GPC6: variants seen among roughly 807,000 people sequenced by gnomAD.
GPC6 encodes the protein glypican-6.
GPC6 carries 14 observed loss-of-function variants against 55.2 expected under a neutral mutation model. That is an observed-to-expected ratio of 0.25 (90% CI 0.17 to 0.40). The LOEUF (loss-of-function observed/expected upper bound fraction) is 0.40. Ranked by LOEUF, GPC6 falls within the 10% of genes least tolerant of loss-of-function variation. The pLI, the probability that GPC6 is intolerant of heterozygous loss-of-function variation, is 1.00. For missense variants in GPC6, 641 were observed against 708.5 expected (o/e 0.90, Z 1.08); for synonymous variants, 278 against 259.6 (o/e 1.07, Z -0.68).
At chr13:93,662,846 T>A (rs1474594742) in intron 2 of GPC6, among the ~76,000 whole-genome samples, 1 of 151,716 alleles carries the variant, frequency 6.6e-6, no homozygotes, top group African/African-American at 2.4e-5. Context: ...AGAAAAAAAA[T>A]TGAAATTTAA....
At chr13:93,855,401 G>A (rs577269601) in intron 3 of GPC6, among the ~76,000 whole-genome samples, 1 of 151,590 alleles carries the variant, frequency 6.6e-6, no homozygotes, top group Non-Finnish European at 1.5e-5. Context: ...TTATCTGGGT[G>A]TAACACAATT....
intron 1 of GPC6, among the ~76,000 whole-genome samples, chr13:93,324,186 C>G (rs1594096817): frequency 6.6e-6 from 1 of 152,074 alleles, no homozygotes; most frequent in East Asian, 1.9e-4. Context: ...GTGAAATAAG[C>G]CAGGCACAGA....
chr13:94,325,305 C>T (rs144313994), intron 6 of GPC6, among the ~76,000 whole-genome samples: 36 of 152,290 alleles, frequency 2.4e-4, no homozygotes, highest in Non-Finnish European at 3.7e-4. Flanking sequence ...CATTTGTGCT[C>T]ACTCCAAGGG....
chr13:93,592,115 A>G (rs1348142950), intron 2 of GPC6, among the ~76,000 whole-genome samples: 1 of 152,028 alleles, frequency 6.6e-6, no homozygotes, highest in African/African-American at 2.4e-5. Flanking sequence ...AGCTCTGTTT[A>G]ATATATTTGA....
chr13:93,905,634 A>G (rs963305146), intron 3 of GPC6, among the ~76,000 whole-genome samples: 5 of 152,230 alleles, frequency 3.3e-5, no homozygotes, highest in African/African-American at 1.2e-4. Context: ...TAATCAATAA[A>G]TATGTTTTGG....
At chr13:94,390,108 T>A (rs777268102) in intron 7 of GPC6, among the ~76,000 whole-genome samples, 4 of 152,220 alleles carry the variant, frequency 2.6e-5, no homozygotes, top group Non-Finnish European at 5.9e-5. Context: ...GTCACTCTCA[T>A]CACAGAGTGT....
intron 4 of GPC6, among the ~76,000 whole-genome samples, chr13:94,131,491 C>A (rs925860914): frequency 1.3e-4 from 20 of 152,004 alleles, no homozygotes; most frequent in African/African-American, 4.8e-4. Flanking sequence ...AAATACAGAG[C>A]TTTTTTCAAG....
intron 4 of GPC6, among the ~76,000 whole-genome samples, chr13:94,109,501 T>C (rs560271440): frequency 1.3e-5 from 2 of 151,676 alleles, no homozygotes; most frequent in South Asian, 4.1e-4. Flanking sequence ...TGACTACTTA[T>C]CCTAAAGTAT....
chr13:93,687,950 G>A (rs1258409581), intron 2 of GPC6, among the ~76,000 whole-genome samples: 2 of 151,594 alleles, frequency 1.3e-5, no homozygotes, highest in African/African-American at 4.8e-5. Flanking sequence ...AAGTCCAGAG[G>A]CAGGCAGTCC....
chr13:94,128,251 C>A (rs1452463735), intron 4 of GPC6, among the ~76,000 whole-genome samples: 2 of 152,050 alleles, frequency 1.3e-5, no homozygotes, highest in African/African-American at 4.8e-5. Context: ...AGATGATGGT[C>A]TGTAAAGTAG....
At chr13:93,308,387 T>C (rs1447077237) in intron 1 of GPC6, among the ~76,000 whole-genome samples, 1 of 152,234 alleles carries the variant, frequency 6.6e-6, no homozygotes, top group African/African-American at 2.4e-5. Flanking sequence ...TAGCAAGTCC[T>C]CTGACACTGG....
chr13:93,720,584 T>TA (rs1491497521), intron 2 of GPC6, among the ~76,000 whole-genome samples: 1 of 152,038 alleles, frequency 6.6e-6, no homozygotes, highest in Non-Finnish European at 1.5e-5. Flanking sequence ...TCTCTGATAT[T>TA]AGTTATTTCT....
intron 4 of GPC6, among the ~76,000 whole-genome samples, chr13:94,157,421 G>A (rs564550495): frequency 5.3e-5 from 8 of 152,144 alleles, no homozygotes; most frequent in Non-Finnish European, 1.0e-4. Context: ...CGTGATAGGA[G>A]TCAAAGCCCA....
At chr13:94,085,044 C>G (rs1461911612) in intron 4 of GPC6, among the ~76,000 whole-genome samples, 1 of 151,976 alleles carries the variant, frequency 6.6e-6, no homozygotes, top group Non-Finnish European at 1.5e-5. Flanking sequence ...GAGTTTGTGG[C>G]TGGGCACGGT....
At chr13:93,810,921 C>T (rs1886677774) in intron 2 of GPC6, among the ~76,000 whole-genome samples, 1 of 152,164 alleles carries the variant, frequency 6.6e-6, no homozygotes, top group Admixed American at 6.5e-5. Context: ...GTTTTATCTT[C>T]ACATATCTGA....
chr13:94,193,821 A>G (rs1290794085), intron 4 of GPC6, among the ~76,000 whole-genome samples: 1 of 152,184 alleles, frequency 6.6e-6, no homozygotes, highest in East Asian at 1.9e-4. Flanking sequence ...GCTTTTGTCC[A>G]CAGTTGAACA....
At chr13:93,977,629 A>C (rs946595308) in intron 3 of GPC6, among the ~76,000 whole-genome samples, 5 of 152,102 alleles carry the variant, frequency 3.3e-5, no homozygotes, top group African/African-American at 9.6e-5. Flanking sequence ...ATTTACTGTA[A>C]AAACCTCTTG....
intron 6 of GPC6, among the ~76,000 whole-genome samples, chr13:94,325,918 C>T (rs1877091832): frequency 6.6e-6 from 1 of 152,190 alleles, no homozygotes; most frequent in Non-Finnish European, 1.5e-5. Flanking sequence ...ACCTCCTTCC[C>T]TCAAAGACGC....
chr13:93,996,608 T>G (rs2140420380), intron 3 of GPC6, among the ~76,000 whole-genome samples: 1 of 152,288 alleles, frequency 6.6e-6, no homozygotes, highest in South Asian at 2.1e-4. Context: ...ACTGCTCTGC[T>G]TATTAACTAA....
Sources: allele counts gnomAD v4.1 joint callset (sites outside exome capture counted in the v4.1 genomes callset), GRCh38; gene constraint gnomAD v4.1.1; transcripts MANE v1.5; gene names NCBI Gene and HGNC (gene_info 2026-07-23, HGNC 2026-07-21).